CHRM2: variants seen among roughly 807,000 people sequenced by gnomAD.
CHRM2 encodes the protein muscarinic acetylcholine receptor M2.
Under a neutral mutation model 25.0 loss-of-function variants are expected in CHRM2, and 8 were observed. That is an observed-to-expected ratio of 0.32 (90% CI 0.19 to 0.58). CHRM2 has a LOEUF of 0.58. Ranked by LOEUF, CHRM2 falls within the 20% of genes least tolerant of loss-of-function variation. CHRM2 has a pLI of 0.88. For synonymous variants in CHRM2, 202 were observed against 205.7 expected, an observed-to-expected ratio of 0.98 and a Z score of 0.15; for missense variants, 440 against 567.1, an observed-to-expected ratio of 0.78 and a Z score of 2.28.
intron 2 of CHRM2, among the ~76,000 whole-genome samples, chr7:136,913,624 A>C (rs1797960502): frequency 6.6e-6 from 1 of 151,924 alleles, no homozygotes; most frequent in Non-Finnish European, 1.5e-5. Context: ...AAAACCTAGT[A>C]ATTTTTTTTG....
At chr7:136,968,739 T>C (rs373334199) in intron 2 of CHRM2, among the ~76,000 whole-genome samples, 1 of 145,728 alleles carries the variant, frequency 6.9e-6, no homozygotes, top group South Asian at 2.1e-4. Flanking sequence ...TATATATATA[T>C]ATATACAGAC....
intron 2 of CHRM2, among the ~76,000 whole-genome samples, chr7:136,874,858 C>A (rs1795986657): frequency 1.4e-5 from 2 of 146,352 alleles, no homozygotes; most frequent in South Asian, 2.2e-4. Context: ...ATATTTATAC[C>A]CTTACAGGTT....
At chr7:136,988,763 G>C (rs1311123850) in intron 2 of CHRM2, among the ~76,000 whole-genome samples, 2 of 152,070 alleles carry the variant, frequency 1.3e-5, no homozygotes, top group South Asian at 2.1e-4. Flanking sequence ...ATGGTGACTT[G>C]ATTATCTTGT....
chr7:136,958,700 A>G (rs1584825183), intron 2 of CHRM2, among the ~76,000 whole-genome samples: 2 of 152,088 alleles, frequency 1.3e-5, no homozygotes, highest in Middle Eastern at 6.8e-3. Context: ...AAAGCCATCC[A>G]CCTGCCTCAG....
chr7:136,915,867 T>C (rs541500269), intron 2 of CHRM2, among the ~76,000 whole-genome samples: 1 of 151,882 alleles, frequency 6.6e-6, no homozygotes, highest in East Asian at 1.9e-4. Flanking sequence ...CATTTTTTTT[T>C]TTTTTTGGTT....
chr7:136,964,732 G>A (rs1267984911), intron 2 of CHRM2, among the ~76,000 whole-genome samples: 1 of 152,124 alleles, frequency 6.6e-6, no homozygotes, highest in Non-Finnish European at 1.5e-5. Context: ...AGGAAGCAAA[G>A]TACCCACTCT....
Position 136,913,722 on chromosome 7 carries a change from CT to C in CHRM2, c.-125+44309del, listed in dbSNP as rs540484888. Among the ~76,000 whole-genome samples the C allele has an allele frequency of 3.7e-3, 555 of 152,008 alleles. 3 individuals are homozygous for C. Among genetic ancestry groups the C allele is most frequent in the African/African-American group, 0.013 (530 of 41,528 alleles). ...CTGCTTATCACTTCAATGACATTTG[CT>C]TTTTGAAACAATGCTGTGAAGTGGG... On this transcript the variant is annotated intron_variant, in intron 2 of 3. Coordinates refer to ENST00000680005, the MANE Select transcript of CHRM2 (RefSeq NM_001006630.2).
In CHRM2 at chr7:136,976,137, G is replaced by A. The variant is rs147591643; in HGVS notation, c.-124-16050G>A. ...ATGAGCCATGTATACAAAGCCTCAA[G>A]GTTGGGCTACGGGCTAAGCATGGAG... is the stretch of plus-strand genomic sequence containing the variant. On this transcript the variant is annotated intron_variant, in intron 2 of 3. Transcript: ENST00000680005. Among the ~76,000 whole-genome samples, 10 of 152,272 alleles carry A rather than the reference G, an allele frequency of 6.6e-5. No individual in the cohort carries two copies. The East Asian group carries it at 1.7e-3, about 26-fold the overall frequency.
At chr7:136,953,647 G>A (rs970229342) in intron 2 of CHRM2, among the ~76,000 whole-genome samples, 28 of 151,704 alleles carry the variant, frequency 1.8e-4, no homozygotes, top group Admixed American at 1.6e-3. Context: ...TTTTTCCTCC[G>A]AGAGCTCATA....
rs1805252542 is a variant in CHRM2, at chr7:137,017,594, T to A, written c.*1328T>A. 1 of 151,972 alleles carries A rather than the reference T, an allele frequency of 6.6e-6. No individual in the cohort carries two copies. The allele number at this position is 151,972 out of a possible 1,614,324, so 9.4% of individuals were successfully genotyped here. A position where few individuals can be genotyped will look rare whatever the true frequency, so the allele number is the denominator to read the frequency against. ...ATTTTAAAAACTATTACTGAAACAA[T>A]TACATATTCCATATTCCTCAAATTG... On this transcript the variant is annotated 3_prime_UTR_variant, in exon 4 of 4. Coordinates refer to ENST00000680005, the MANE Select transcript of CHRM2 (RefSeq NM_001006630.2).
At chr7:136,968,026 C>T (rs1801522541) in intron 2 of CHRM2, among the ~76,000 whole-genome samples, 2 of 151,824 alleles carry the variant, frequency 1.3e-5, no homozygotes, top group African/African-American at 4.8e-5. Context: ...GTGTTCACTG[C>T]TTTATCTTTT....
chr7:137,011,215 G>GTGTGTGTGTGTATATATA, intron 3 of CHRM2, among the ~76,000 whole-genome samples: 2,366 of 134,092 alleles, frequency 0.018, 31 homozygotes, highest in Middle Eastern at 0.023. Flanking sequence ...GTGTGTGTGT[G>GTGTGTGTGTGTATATATA]TATATATATA....
chr7:136,967,928 A>AT (rs200766074), intron 2 of CHRM2, among the ~76,000 whole-genome samples: 127 of 147,384 alleles, frequency 8.6e-4, no homozygotes, highest in African/African-American at 1.9e-3. Flanking sequence ...TCTGGTGTTG[A>AT]TTTTTTTTTT....
chr7:136,960,995 G>A (rs1056788609), intron 2 of CHRM2, among the ~76,000 whole-genome samples: 4 of 152,150 alleles, frequency 2.6e-5, no homozygotes. Flanking sequence ...AGGCGTGGTG[G>A]CAGGTGCCTG....
At chr7:136,902,919 A>C in intron 2 of CHRM2, 1 of 344,480 alleles carries the variant, frequency 2.9e-6, no homozygotes, top group East Asian at 7.9e-5. Context: ...CATTATTTGC[A>C]AGTTTTTGCT....
chr7:136,879,299 T>C (rs1406538081), intron 2 of CHRM2, among the ~76,000 whole-genome samples: 2 of 152,018 alleles, frequency 1.3e-5, no homozygotes, highest in Non-Finnish European at 2.9e-5. Flanking sequence ...TATTTCATAC[T>C]GTTATATCTA....
At chr7:136,873,615 T>C (rs1050459755) in intron 2 of CHRM2, among the ~76,000 whole-genome samples, 1 of 152,178 alleles carries the variant, frequency 6.6e-6, no homozygotes, top group African/African-American at 2.4e-5. Context: ...AGCTAGTAAG[T>C]TGCAGCCCCT....
At chr7:136,903,283 C>T (rs756517000) in intron 2 of CHRM2, 5 of 530,976 alleles carry the variant, frequency 9.4e-6, no homozygotes, top group African/African-American at 1.9e-5. Context: ...TCACAAGCAG[C>T]GGACACTTCC....
At chr7:136,871,435 G>A (rs1363838110) in intron 2 of CHRM2, 1 of 152,700 alleles carries the variant, frequency 6.5e-6, no homozygotes, top group Non-Finnish European at 1.5e-5. Context: ...GGATGCGCCA[G>A]CGCTTCTGTT....
Sources: gnomAD v4.1 joint callset for allele counts (sites outside exome capture counted in the v4.1 genomes callset) on GRCh38, gnomAD v4.1.1 for gene constraint, MANE v1.5 for transcripts, NCBI Gene and HGNC (gene_info 2026-07-23, HGNC 2026-07-21) for gene names.